The following ROS1 variants were observed in gnomAD, a reference collection of about 807,000 sequenced individuals.
ROS1 encodes the protein proto-oncogene tyrosine-protein kinase ROS.
ROS1 carries 263 observed loss-of-function variants against 273.5 expected under a neutral mutation model. The ratio of observed to expected loss-of-function variants is 0.96; its 90% CI spans 0.87 to 1.06. The LOEUF is 1.06. Ranked by LOEUF, ROS1 falls within the 50% of genes least tolerant of loss-of-function variation. The pLI is 0.00. For synonymous variants in ROS1, 1,008 were observed against 954.1 expected (o/e 1.06, Z -1.04); for missense variants, 2,833 against 2,751.1 (o/e 1.03, Z -0.67).
chr6:117,310,659 T>C (rs1775471580), intron 40 of ROS1, among the ~76,000 whole-genome samples: 1 of 152,118 alleles, frequency 6.6e-6, no homozygotes, highest in South Asian at 2.1e-4. Flanking sequence ...TGTTCCTGTG[T>C]TAGTTTGCTG....
chr6:117,349,635 C>A (rs769395346), intron 27 of ROS1, among the ~76,000 whole-genome samples: 5 of 151,958 alleles, frequency 3.3e-5, no homozygotes, highest in Non-Finnish European at 5.9e-5. Flanking sequence ...TGCCCTTGTT[C>A]TTTGTTCCTA....
At position 117,373,698 on chromosome 6, in the gene ROS1, G is replaced by A. The variant is rs115081514; in HGVS notation, c.2582+5361C>T. On this transcript the variant is annotated intron_variant, in intron 18 of 43. Transcript: ENST00000368507. ...CACCTCCGCACAAGCAGAGGGAGCT[G>A]GCTTCAGCCTCAGCCAGCCCAGAGA... Among the ~76,000 whole-genome samples the A allele has an allele frequency of 3.8e-3, 579 of 152,312 alleles. 2 individuals are homozygous for A. The highest frequency in any genetic ancestry group is 0.013 in the African/African-American group (544 of 41,572).
chr6:117,337,057 AATAATGTACTGCTTTT>A (rs1376663540), intron 32 of ROS1, 99 bp downstream of exon 32: 2 of 817,884 alleles, frequency 2.4e-6, no homozygotes, highest in Non-Finnish European at 3.8e-6. Flanking sequence ...TTCTAGAAAT[AATAATGTACTGCTTTT>A]AAAGAACAAT....
At chr6:117,369,134 T>G (rs1780519674) in intron 18 of ROS1, among the ~76,000 whole-genome samples, 1 of 152,130 alleles carries the variant, frequency 6.6e-6, no homozygotes, top group South Asian at 2.1e-4. Flanking sequence ...GGAATCCCAA[T>G]CTCTATATAT....
intron 6 of ROS1, 151 bp downstream of exon 6, chr6:117,404,129 G>C (rs1741345037): frequency 1.5e-6 from 1 of 687,716 alleles, no homozygotes; most frequent in Non-Finnish European, 2.4e-6. Context: ...GCTGAGGCAG[G>C]AGAATGGTGT....
chr6:117,412,258 C>T (rs943391606), intron 4 of ROS1, among the ~76,000 whole-genome samples: 6 of 151,778 alleles, frequency 4.0e-5, no homozygotes, highest in Admixed American at 3.3e-4. Flanking sequence ...GATCAATTGG[C>T]TATAATAAGA....
chr6:117,388,502 C>T (rs558402634), intron 13 of ROS1, among the ~76,000 whole-genome samples: 53 of 152,292 alleles, frequency 3.5e-4, no homozygotes, highest in African/African-American at 1.1e-3. Flanking sequence ...TACTTACTAT[C>T]GTCTAGGGGA....
At chr6:117,387,688 T>A (rs1669997670) in intron 14 of ROS1, 92 bp downstream of exon 14, 2 of 1,361,348 alleles carry the variant, frequency 1.5e-6, no homozygotes, top group African/African-American at 2.9e-5. Flanking sequence ...CTCATTCTCA[T>A]TTCTTTAAAC....
At chr6:117,409,236 AAG>A (rs908393245) in intron 5 of ROS1, among the ~76,000 whole-genome samples, 1 of 106,410 alleles carries the variant, frequency 9.4e-6, no homozygotes, top group East Asian at 2.6e-4. Flanking sequence ...ATAAATAAAA[AAG>A]AGAGAAAAAA....
chr6:117,309,478 T>C (rs1775370944), intron 41 of ROS1, among the ~76,000 whole-genome samples: 1 of 152,064 alleles, frequency 6.6e-6, no homozygotes, highest in Non-Finnish European at 1.5e-5. Context: ...CCAGTAAACA[T>C]TGAGAGGGAA....
intron 4 of ROS1, 119 bp from the exon 5 acceptor site, chr6:117,409,761 C>G: frequency 1.3e-6 from 1 of 741,004 alleles, no homozygotes; most frequent in South Asian, 1.5e-5. Context: ...GACCAATATA[C>G]GAGTAAATCT....
At chr6:117,421,570 T>C (rs1002565711) in intron 1 of ROS1, among the ~76,000 whole-genome samples, 2 of 152,078 alleles carry the variant, frequency 1.3e-5, no homozygotes, top group Non-Finnish European at 2.9e-5. Context: ...TCCAGCTCCA[T>C]CCAAGTTGCT....
rs1772304690 is a variant in ROS1 at position 117,383,339 on chromosome 6, T to G, written c.2459A>C (p.Gln820Pro). 6.2e-7 allele frequency: 1 copy of G among 1,613,574 alleles called. No homozygotes were observed. Among genetic ancestry groups the G allele is most frequent in the Non-Finnish European group, 8.5e-7 (1 of 1,179,662 alleles). Reference sequence around the variant, plus strand: ...CACCTTTTTCCCAGAAAACCAAGGCTGTGTCTGTAGTACAAGGGAACTTTC... The same window carrying G: ...CACCTTTTTCCCAGAAAACCAAGGCGGTGTCTGTAGTACAAGGGAACTTTC... ...NGESSLVLQT[Q>P]PWFSGKKVIA... The change falls in exon 17 of 44, where the codon CAG becomes CCG. Residue 820 changes from glutamine (Q) to proline (P), a missense_variant. Gln to Pro is a moderately conservative substitution (Grantham distance 76, BLOSUM62 -1). Coordinates refer to ENST00000368507, the MANE Select transcript of ROS1 (RefSeq NM_001378902.1).
At chr6:117,418,671 G>C (rs1322880329) in intron 1 of ROS1, among the ~76,000 whole-genome samples, 165 bp from the exon 2 acceptor site, 2 of 152,164 alleles carry the variant, frequency 1.3e-5, no homozygotes. Context: ...ATCACTACCA[G>C]ACAAAATGCT....
chr6:117,394,049 T>C (rs1773289423), intron 11 of ROS1, 113 bp downstream of exon 11: 1 of 617,890 alleles, frequency 1.6e-6, no homozygotes, highest in Admixed American at 3.8e-5. Context: ...TAAGGCATAG[T>C]AAATACTTGA....
intron 16 of ROS1, 34 bp from the exon 17 acceptor site, chr6:117,383,542 T>C (rs1356608857): frequency 1.4e-6 from 2 of 1,444,198 alleles, no homozygotes; most frequent in East Asian, 2.3e-5. Context: ...AGTTAATGGC[T>C]TTCAAGTGAC....
intron 7 of ROS1, among the ~76,000 whole-genome samples, chr6:117,400,500 T>C (rs1773849806): frequency 6.6e-6 from 1 of 152,164 alleles, no homozygotes; most frequent in Non-Finnish European, 1.5e-5. Context: ...GGACAGCAGC[T>C]CAGATAAAGT....
intron 18 of ROS1, among the ~76,000 whole-genome samples, chr6:117,377,685 A>G (rs1329564418): frequency 6.6e-6 from 1 of 152,214 alleles, no homozygotes; most frequent in African/African-American, 2.4e-5. Flanking sequence ...AAAGCACAGA[A>G]TATAGAAAAT....
intron 27 of ROS1, 146 bp from the exon 28 acceptor site, chr6:117,344,408 G>T: frequency 1.6e-6 from 1 of 621,754 alleles, no homozygotes; most frequent in South Asian, 2.3e-5. Flanking sequence ...ATATGAAAAT[G>T]ATTTGAAATA....
Sources: gnomAD v4.1 joint callset for allele counts (sites outside exome capture counted in the v4.1 genomes callset) on GRCh38, gnomAD v4.1.1 for gene constraint, MANE v1.5 for transcripts, NCBI Gene and HGNC (gene_info 2026-07-23, HGNC 2026-07-21) for gene names.